GRHL1: variants seen among roughly 807,000 people sequenced by gnomAD.
The protein encoded by GRHL1 is grainyhead like transcription factor 1.
In GRHL1, 38 loss-of-function variants were observed where a neutral mutation model predicts 75.7. That is an observed-to-expected ratio of 0.50 (90% CI 0.39 to 0.66). The LOEUF is 0.66. GRHL1 is among the 30% of genes least tolerant of loss of function. GRHL1 has a pLI of 0.00. For missense variants in GRHL1, 589 were observed against 767.5 expected, an observed-to-expected ratio of 0.77 and a Z score of 2.75; for synonymous variants, 266 against 279.4, an observed-to-expected ratio of 0.95 and a Z score of 0.48.
chr2:9,973,007 T>G (rs961600090), intron 8 of GRHL1, among the ~76,000 whole-genome samples: 3 of 152,144 alleles, frequency 2.0e-5, no homozygotes, highest in African/African-American at 7.2e-5. Flanking sequence ...TCGTCTTTGT[T>G]TTTCTTCAGG....
intron 8 of GRHL1, among the ~76,000 whole-genome samples, chr2:9,973,932 G>T (rs1247653252): frequency 6.6e-6 from 1 of 152,192 alleles, no homozygotes; most frequent in Non-Finnish European, 1.5e-5. Context: ...CAGGAAGTTT[G>T]GAACAGCCTA....
intron 2 of GRHL1, among the ~76,000 whole-genome samples, chr2:9,956,420 C>A (rs1667025252): frequency 6.6e-6 from 1 of 151,976 alleles, no homozygotes; most frequent in Non-Finnish European, 1.5e-5. Context: ...ACTTAGGAGG[C>A]TGAGGTGGGA....
At position 9,968,210 on chromosome 2, in the gene GRHL1, T is replaced by C. The variant is rs1667568221; in HGVS notation, c.1110+2829T>C. ...GAAAAACACTGACGAAGCTAGGACC[T>C]ATCTTACACTGGCCCTGTGTGCACT... On this transcript the variant is annotated intron_variant, in intron 8 of 15. Transcript: ENST00000324907. The surrounding 1 kb of genome is among the most constrained non-coding windows in gnomAD (Gnocchi z 4.7). 6.6e-6 allele frequency among the ~76,000 whole-genome samples: 1 copy of C among 152,256 alleles called. No individual in the cohort carries two copies. The highest frequency in any genetic ancestry group is 2.1e-4 in the South Asian group (1 of 4,832).
In GRHL1 at chr2:9,990,299, C is replaced by T. The variant is rs568196887; in HGVS notation, c.1270-397C>T. ...CCAAGTAGCTGGGACTACAGGTGCC[C>T]GCTACCACGCCTGGCTAATTTTTGT... On this transcript the variant is annotated intron_variant, in intron 9 of 15. Transcript: ENST00000324907. The surrounding 1 kb of genome is among the most constrained non-coding windows in gnomAD (Gnocchi z 4.2). 2.0e-5 allele frequency among the ~76,000 whole-genome samples: 3 copies of T among 151,990 alleles called. No homozygotes were observed. Among genetic ancestry groups the T allele is most frequent in the Non-Finnish European group, 2.9e-5 (2 of 67,938 alleles).
At chr2:9,959,508 G>C (rs1451367321) in intron 3 of GRHL1, 1 of 152,166 alleles carries the variant, frequency 6.6e-6, no homozygotes, top group African/African-American at 2.4e-5. Context: ...TCACAGATAG[G>C]ATTTGGTAGT....
At position 9,979,150 on chromosome 2, in the gene GRHL1, T is replaced by A. The variant is rs1441719482; in HGVS notation, c.1111-6974T>A. On this transcript the variant is annotated intron_variant, in intron 8 of 15. Coordinates refer to ENST00000324907, the MANE Select transcript of GRHL1 (RefSeq NM_198182.3). Reference sequence around the variant, plus strand: ...ATTCCAGCCTGGGCAAGACTCTCTCTCAAAAAAAAAAAAAAAAGGAAACCT... The same window carrying A: ...ATTCCAGCCTGGGCAAGACTCTCTCACAAAAAAAAAAAAAAAAGGAAACCT... Among the ~76,000 whole-genome samples the A allele has an allele frequency of 9.7e-3, 226 of 23,396 alleles. 2 individuals carry two copies. Among genetic ancestry groups the A allele is most frequent in the Non-Finnish European group, 0.014 (188 of 13,552 alleles). The allele number at this position is 23,396 out of a possible 152,430, so 15.3% of individuals were successfully genotyped here.
At chr2:9,969,065 G>A (rs927334108) in intron 8 of GRHL1, among the ~76,000 whole-genome samples, 1 of 152,198 alleles carries the variant, frequency 6.6e-6, no homozygotes, top group Non-Finnish European at 1.5e-5. Flanking sequence ...AGCGAGTTTA[G>A]AATAGGCTGA....
Position 9,986,219 on chromosome 2 carries a change from C to G in GRHL1, c.1206C>G (p.Tyr402Ter). The G allele has an allele frequency of 1.2e-6, 2 of 1,613,720 alleles. No individual in the cohort carries two copies. Among genetic ancestry groups the G allele is most frequent in the Non-Finnish European group, 1.7e-6 (2 of 1,179,802 alleles). ...ACATTCAAGTTGATACCTATAGTTA[C>G]AACAACCGCAGCAACAAGCCTGTGC... is the stretch of plus-strand genomic sequence containing the variant. Reference protein sequence around the residue: ...PLNIQVDTYSYNNRSNKPVHR... With the variant: ...PLNIQVDTYS Residue 402 changes from tyrosine (Y) to a stop codon, truncating the protein, a stop_gained, in exon 9 of 16, where the codon TAC becomes TAG. Transcript: ENST00000324907. LOFTEE classifies it high-confidence loss of function.
intron 6 of GRHL1, 88 bp from the exon 7 acceptor site, chr2:9,964,147 C>T: frequency 7.5e-7 from 1 of 1,334,048 alleles, no homozygotes; most frequent in Non-Finnish European, 1.1e-6. Flanking sequence ...AGCTTTAAGC[C>T]TTCACTGTAA....
chr2:9,954,363 C>G (rs1666919855), intron 1 of GRHL1, among the ~76,000 whole-genome samples: 1 of 152,132 alleles, frequency 6.6e-6, no homozygotes, highest in Admixed American at 6.5e-5. Flanking sequence ...GTAGAATATT[C>G]TGGCTTTCTC....
chr2:9,998,448 G>GTGTGTGTGTGTGTGTGTGTT (rs1553306800), intron 14 of GRHL1, among the ~76,000 whole-genome samples: 13 of 71,144 alleles, frequency 1.8e-4, no homozygotes, highest in East Asian at 4.3e-4. Context: ...GTGTGTGTGT[G>GTGTGTGTGTGTGTGTGTGTT]TATATATATA....
Position 9,995,915 on chromosome 2 carries a change from T to C in GRHL1, c.1536T>C (p.Asp512=). Reference sequence around the variant, plus strand: ...AAAGGGGGCCGTACGGCACAGAAGATGACTTTGCTGTCCCTCCTTCTACCA... The same window carrying C: ...AAAGGGGGCCGTACGGCACAGAAGACGACTTTGCTGTCCCTCCTTCTACCA... ...VLKRGPYGTE[D]DFAVPPSTKL... The change falls in exon 13 of 16, where the codon GAT becomes GAC. Residue 512 remains aspartate (D), a synonymous_variant. Transcript: ENST00000324907. 1 of 1,613,208 alleles carries C rather than the reference T, an allele frequency of 6.2e-7. No individual in the cohort carries two copies. Among genetic ancestry groups the C allele is most frequent in the Non-Finnish European group, 8.5e-7 (1 of 1,179,072 alleles).
In GRHL1 at chr2:9,967,915, T is replaced by G. The variant is rs559568356; in HGVS notation, c.1110+2534T>G. 2.7e-3 allele frequency among the ~76,000 whole-genome samples: 418 copies of G among 152,316 alleles called. 1 individual carries two copies. The highest frequency in any genetic ancestry group is 8.9e-3 in the African/African-American group (369 of 41,560). ...AAGATTTATACTTGGCACATAATAA[T>G]TGTACATATTTATGTGGTATTTGTT... On this transcript the variant is annotated intron_variant, in intron 8 of 15. Transcript: ENST00000324907.
At chr2:9,981,955 C>G (rs1214344881) in intron 8 of GRHL1, among the ~76,000 whole-genome samples, 2 of 152,190 alleles carry the variant, frequency 1.3e-5, no homozygotes, top group Non-Finnish European at 2.9e-5. Context: ...CCTATGAAAT[C>G]AAACATAACA....
intron 1 of GRHL1, chr2:9,953,040 G>A (rs1413563033): frequency 8.8e-6 from 4 of 456,786 alleles, no homozygotes; most frequent in Admixed American, 7.0e-5. Flanking sequence ...TCATGAGGAA[G>A]TGGACTAAGA....
chr2:9,983,161 G>A (rs1310600481), intron 8 of GRHL1, among the ~76,000 whole-genome samples: 1 of 152,026 alleles, frequency 6.6e-6, no homozygotes, highest in Non-Finnish European at 1.5e-5. Context: ...CCTAAGAGCA[G>A]GGGCATCGTG....
At chr2:9,999,060 G>T (rs747391304) in intron 15 of GRHL1, 31 bp downstream of exon 15, 150 of 1,281,862 alleles carry the variant, frequency 1.2e-4, no homozygotes, top group Middle Eastern at 1.9e-4. Flanking sequence ...GTGTACCTCG[G>T]AAAGTGCTGA....
chr2:9,961,208 C>T lies in GRHL1; in HGVS notation c.441C>T (p.Val147=). The change falls in exon 4 of 16, where the codon GTC becomes GTT. Residue 147 remains valine (V), a synonymous_variant. Coordinates refer to ENST00000324907, the MANE Select transcript of GRHL1 (RefSeq NM_198182.3). The part of the protein sequence containing the change: ...HLTAPDTTVT[V]SIATMPTHSI... The stretch of plus-strand genomic sequence containing the variant: ...CAGCTCCAGATACGACAGTCACTGT[C>T]TCCATAGCAACGATGCCTACCCACT... 1.2e-6 allele frequency: 2 copies of T among 1,614,102 alleles called. No homozygotes were observed. The highest frequency in any genetic ancestry group is 1.7e-6 in the Non-Finnish European group (2 of 1,179,984).
chr2:9,963,734 C>T, intron 5 of GRHL1, 152 bp from the exon 6 acceptor site: 1 of 549,540 alleles, frequency 1.8e-6, no homozygotes, highest in South Asian at 2.5e-5. Context: ...TGTACTTCCA[C>T]CTCTGAGAGA....
Sources: gnomAD v4.1 joint callset for allele counts (sites outside exome capture counted in the v4.1 genomes callset) on GRCh38, gnomAD v4.1.1 for gene constraint, Gnocchi (gnomAD v3.1) non-coding constraint, MANE v1.5 for transcripts, NCBI Gene and HGNC (gene_info 2026-07-23, HGNC 2026-07-21) for gene names.